Variants in MYO18B observed in about 807,000 individuals in gnomAD.
MYO18B encodes unconventional myosin-XVIIIb.
MYO18B carries 204 observed loss-of-function variants against 273.0 expected under a neutral mutation model. That is an observed-to-expected ratio of 0.75 (90% confidence interval 0.67 to 0.84). MYO18B has a LOEUF of 0.84. Ranked by LOEUF, MYO18B falls within the 40% of genes least tolerant of loss-of-function variation. The pLI is 0.00. For missense variants in MYO18B, 3,212 were observed against 3,287.6 expected (o/e 0.98, Z 0.56); for synonymous variants, 1,330 against 1,305.7 (o/e 1.02, Z -0.40).
rs368094630 is a variant in MYO18B, at chr22:25,943,924, G to A, written c.5518-2213G>A. 2.0e-5 allele frequency among the ~76,000 whole-genome samples: 3 copies of A among 152,118 alleles called. No individual in the cohort carries two copies. The East Asian group carries it at 5.8e-4, about 30-fold the overall frequency. ...TTTAATAGAGATGGGGTTTCACCAT[G>A]TTGGTCAGGCTGGTCTTGAACTCCT... is the stretch of plus-strand genomic sequence containing the variant. On this transcript the variant is annotated intron_variant, in intron 34 of 43. Coordinates refer to ENST00000335473, the MANE Select transcript of MYO18B (RefSeq NM_032608.7).
At chr22:25,932,420 TTC>T (rs749821949) in intron 34 of MYO18B, among the ~76,000 whole-genome samples, 34,591 of 146,258 alleles carry the variant, frequency 0.24, 4,583 homozygotes, top group Middle Eastern at 0.33. Flanking sequence ...TCTTTTTTTT[TTC>T]TTTGAGACAC....
chr22:25,933,687 G>A (rs545262016), intron 34 of MYO18B, among the ~76,000 whole-genome samples: 1 of 151,244 alleles, frequency 6.6e-6, no homozygotes, highest in African/African-American at 2.5e-5. Context: ...TATTGTTGTT[G>A]CGGTTGTATG....
At chr22:25,798,369 G>A (rs1433312730) in intron 12 of MYO18B, among the ~76,000 whole-genome samples, 1 of 152,182 alleles carries the variant, frequency 6.6e-6, no homozygotes, top group Non-Finnish European at 1.5e-5. Flanking sequence ...CTAGCCACAG[G>A]CTGCTACTGA....
Position 25,760,397 on chromosome 22 carries a change from G to A in MYO18B, c.-109-587G>A, listed in dbSNP as rs373158557. On this transcript the variant is annotated intron_variant, in intron 1 of 43. Coordinates refer to ENST00000335473, the MANE Select transcript of MYO18B (RefSeq NM_032608.7). ...ACTGCATTCCAGCCTGGGCATCAGA[G>A]CAAGACTCCATCTCAAAAAAAAAAA... Among the ~76,000 whole-genome samples the A allele has an allele frequency of 5.6e-5, 6 of 106,566 alleles. No homozygotes were observed. In the East Asian group the frequency reaches 1.3e-3, roughly 23 times the overall value. The allele number at this position is 106,566 out of a possible 152,430, so 69.9% of individuals were successfully genotyped here. A position where few individuals can be genotyped will look rare whatever the true frequency, so the allele number is the denominator to read the frequency against.
Position 25,797,971 on chromosome 22 carries a change from G to A in MYO18B, c.2395G>A (p.Ala799Thr). 1 of 1,614,026 alleles carries A rather than the reference G, an allele frequency of 6.2e-7. No homozygotes were observed. Among genetic ancestry groups the A allele is most frequent in the Non-Finnish European group, 8.5e-7 (1 of 1,179,898 alleles). ...VWSKPEDKQK[A>T]AAAFAQLQGA... ...CCCGCAGCCTGAAGATAAACAGAAG[G>A]CGGCAGCTGCCTTTGCCCAGCTCCA... The change falls in exon 12 of 44, where the codon GCG (alanine) becomes ACG (threonine). Residue 799 changes from alanine to threonine, a missense_variant. By Grantham distance (58) the Ala-to-Thr change is moderately conservative (BLOSUM62 0). Transcript: ENST00000335473.
Position 25,847,829 on chromosome 22 carries a change from G to C in MYO18B, c.3775+177G>C, listed in dbSNP as rs149226831. Among the ~76,000 whole-genome samples the C allele has an allele frequency of 9.9e-5, 15 of 152,276 alleles. No homozygotes were observed. In the East Asian group the frequency reaches 2.9e-3, roughly 29 times the overall value. On this transcript the variant is annotated intron_variant, in intron 20 of 43. Coordinates refer to ENST00000335473, the MANE Select transcript of MYO18B (RefSeq NM_032608.7). ...GCCACTGATGCTCAGAGAGGTGGAAGTACTTGCTCATGGTCACATTGCCTG... is the reference window on the plus strand; with the variant it reads ...GCCACTGATGCTCAGAGAGGTGGAACTACTTGCTCATGGTCACATTGCCTG...
chr22:25,987,965 C>T (rs2093220078), intron 39 of MYO18B, among the ~76,000 whole-genome samples: 1 of 152,142 alleles, frequency 6.6e-6, no homozygotes, highest in Non-Finnish European at 1.5e-5. Flanking sequence ...AATTTCTCTC[C>T]ATGCTTCAAA....
intron 3 of MYO18B, among the ~76,000 whole-genome samples, chr22:25,765,726 T>C (rs2086481092): frequency 1.3e-5 from 2 of 151,104 alleles, no homozygotes; most frequent in South Asian, 4.2e-4. Flanking sequence ...AAGGCTTTGA[T>C]GACTTTGAAG....
At chr22:26,040,707 C>T in the MYO18B span, among the ~76,000 whole-genome samples, 9 of 152,220 alleles carry the variant, frequency 5.9e-5, no homozygotes, top group East Asian at 1.7e-3. Flanking sequence ...GCATTCTAGG[C>T]AGAGGGAACA....
At chr22:25,908,476 G>A (rs368036998) in intron 32 of MYO18B, 44 bp downstream of exon 32, 2 of 1,495,114 alleles carry the variant, frequency 1.3e-6, no homozygotes, top group Admixed American at 3.9e-5. Context: ...ATCCTGGCAG[G>A]TCTGGCATGG....
chr22:25,958,652 C>T (rs2092882018), intron 39 of MYO18B, among the ~76,000 whole-genome samples: 1 of 152,148 alleles, frequency 6.6e-6, no homozygotes, highest in African/African-American at 2.4e-5. Flanking sequence ...GTAGAAGTTA[C>T]ACAGTGTGCC....
chr22:25,847,321 G>T (rs1262856148), intron 19 of MYO18B, 109 bp from the exon 20 acceptor site: 1 of 936,810 alleles, frequency 1.1e-6, no homozygotes, highest in Non-Finnish European at 1.6e-6. Context: ...TGGGACATAG[G>T]GGCCCCAAAG....
chr22:25,852,404 A>AATGG (rs1358636742), intron 21 of MYO18B, among the ~76,000 whole-genome samples: 33 of 151,668 alleles, frequency 2.2e-4, no homozygotes, highest in Non-Finnish European at 1.5e-5. Flanking sequence ...TTAATGAATG[A>AATGG]ATGAATGAAT....
At chr22:25,906,375 A>C (rs1359926124) in intron 31 of MYO18B, among the ~76,000 whole-genome samples, 3 of 152,226 alleles carry the variant, frequency 2.0e-5, no homozygotes, top group Non-Finnish European at 2.9e-5. Context: ...AAAAAAGGCA[A>C]GAAGTTGACA....
At chr22:25,866,275 T>A (rs532928157) in intron 21 of MYO18B, among the ~76,000 whole-genome samples, 93 of 12,408 alleles carry the variant, frequency 7.5e-3, no homozygotes, top group African/African-American at 0.027. Context: ...TGAGGGTGGG[T>A]GGGAGGGGAA....
intron 39 of MYO18B, among the ~76,000 whole-genome samples, chr22:25,965,235 C>T (rs1482303606): frequency 6.6e-6 from 1 of 152,176 alleles, no homozygotes; most frequent in Non-Finnish European, 1.5e-5. Context: ...CTTCCACCTT[C>T]GGGGGAAAAG....
intron 42 of MYO18B, chr22:26,006,373 C>A: frequency 5.0e-6 from 1 of 198,032 alleles, no homozygotes. Flanking sequence ...ATTGCCAAAA[C>A]AAAAAGTAGG....
rs371704559 is a variant in MYO18B at position 25,985,883 on chromosome 22, C to T, written c.6157-6480C>T. Among the ~76,000 whole-genome samples the T allele has an allele frequency of 6.6e-5, 10 of 152,292 alleles. No homozygotes were observed. The East Asian group carries it at 7.7e-4, about 12-fold the overall frequency. On this transcript the variant is annotated intron_variant, in intron 39 of 43. Transcript: ENST00000335473. ...CTGACCTCAAATGATCCACCCTCCT[C>T]GGCCTCCTAAAGTGCTGGGATTAGA...
chr22:25,801,545 G>C, intron 12 of MYO18B, among the ~76,000 whole-genome samples: 1 of 152,284 alleles, frequency 6.6e-6, no homozygotes, highest in South Asian at 2.1e-4. Flanking sequence ...GGCAAAAACT[G>C]TGGTACACAG....
Sources: gnomAD v4.1 joint callset for allele counts (sites outside exome capture counted in the v4.1 genomes callset) on GRCh38, gnomAD v4.1.1 for gene constraint, MANE v1.5 for transcripts, NCBI Gene and HGNC (gene_info 2026-07-23, HGNC 2026-07-21) for gene names.